KMT2A: variants seen among roughly 807,000 people sequenced by gnomAD.
The protein encoded by KMT2A is histone-lysine N-methyltransferase 2A.
Under a neutral mutation model 345.3 loss-of-function variants are expected in KMT2A, and 16 were observed. The observed-to-expected ratio is 0.05, with a 90% CI of 0.03 to 0.07. The LOEUF is 0.07. KMT2A is among the 10% of genes least tolerant of loss of function. The pLI is 1.00. For synonymous variants in KMT2A, 1,599 were observed against 1,778.6 expected (o/e 0.90, Z 2.54); for missense variants, 3,272 against 4,841.6 (o/e 0.68, Z 9.62).
At chr11:118,470,944 G>A (rs1555035306) in intron 2 of KMT2A, among the ~76,000 whole-genome samples, 2 of 152,164 alleles carry the variant, frequency 1.3e-5, no homozygotes, top group African/African-American at 4.8e-5. Flanking sequence ...TTTTGCTGTT[G>A]ACATCAGTTA....
At position 118,496,148 on chromosome 11, in the gene KMT2A, A is replaced by G; in HGVS notation, c.5558-113A>G. 1.2e-6 allele frequency: 1 copy of G among 819,812 alleles called. No homozygotes were observed. Among genetic ancestry groups the G allele is most frequent in the Non-Finnish European group, 2.0e-6 (1 of 495,118 alleles). The allele number at this position is 819,812 out of a possible 1,614,324, so 50.8% of individuals were successfully genotyped here. A position where few individuals can be genotyped will look rare whatever the true frequency, so the allele number is the denominator to read the frequency against. On this transcript the variant is annotated intron_variant, in intron 19 of 35. Transcript: ENST00000534358. The surrounding 1 kb of genome is among the most constrained non-coding windows in gnomAD (Gnocchi z 4.7). Reference sequence around the variant, plus strand: ...ACACTTTTTGAAAAGTGGTTATTTTATAGGCTGTGGGCTATGTAAGCTGAA... The same window carrying G: ...ACACTTTTTGAAAAGTGGTTATTTTGTAGGCTGTGGGCTATGTAAGCTGAA...
chr11:118,503,391 T>C lies in KMT2A; in HGVS notation c.7499T>C (p.Val2500Ala), dbSNP rs1260125287. 1 of 1,613,398 alleles carries C rather than the reference T, an allele frequency of 6.2e-7. No homozygotes were observed. The highest frequency in any genetic ancestry group is 1.7e-5 in the Admixed American group (1 of 59,924). ...IGDKGLSMPG[V>A]PKAPPMQVEG... ...GATAAAGGCCTTTCTATGCCAGGAG[T>C]CCCCAAAGCTCCACCCATGCAAGTA... Residue 2500 changes from valine to alanine, a missense_variant, in exon 27 of 36, where the codon GTC becomes GCC. Transcript: ENST00000534358. This position sits in a 1 kb window ranked among gnomAD's most constrained non-coding sequence, Gnocchi z 5.3.
At position 118,480,255 on chromosome 11, in the gene KMT2A, G is replaced by C. The variant is rs372465982; in HGVS notation, c.3634+17G>C. 1 of 1,604,826 alleles carries C rather than the reference G, an allele frequency of 6.2e-7. No homozygotes were observed. The highest frequency in any genetic ancestry group is 1.7e-5 in the Admixed American group (1 of 59,940). On this transcript the variant is annotated intron_variant, in intron 6 of 35. Coordinates refer to ENST00000534358, the MANE Select transcript of KMT2A (RefSeq NM_001197104.2). Reference sequence around the variant, plus strand: ...AAGCTAAAGGTAGTGTTGTTAAAAAGGTCTTCCCCCAAATGCTCCTTGCTT... The same window carrying C: ...AAGCTAAAGGTAGTGTTGTTAAAAACGTCTTCCCCCAAATGCTCCTTGCTT...
At position 118,496,647 on chromosome 11, in the gene KMT2A, A is replaced by T. The variant is rs1466560088; in HGVS notation, c.5664+280A>T. On this transcript the variant is annotated intron_variant, in intron 20 of 35. Transcript: ENST00000534358. This position sits in a 1 kb window ranked among gnomAD's most constrained non-coding sequence, Gnocchi z 4.7. The stretch of plus-strand genomic sequence containing the variant: ...AACCCTTGATGTCTAGTAATTTCTA[A>T]TGGAAGTTCCTCAAGAATATTTTGT... 1.3e-5 allele frequency among the ~76,000 whole-genome samples: 2 copies of T among 152,180 alleles called. No homozygotes were observed. The highest frequency in any genetic ancestry group is 1.3e-4 in the Admixed American group (2 of 15,270).
Position 118,503,485 on chromosome 11 carries a change from A to G in KMT2A, c.7593A>G (p.Lys2531=). 1 of 1,614,136 alleles carries G rather than the reference A, an allele frequency of 6.2e-7. No individual in the cohort carries two copies. Among genetic ancestry groups the G allele is most frequent in the Non-Finnish European group, 8.5e-7 (1 of 1,180,018 alleles). The change falls in exon 27 of 36, where the codon AAA becomes AAG. Residue 2531 remains lysine (K), a synonymous_variant. Transcript: ENST00000534358. This position sits in a 1 kb window ranked among gnomAD's most constrained non-coding sequence, Gnocchi z 5.3. ...TCAAAGTGACACTGACACCTCTAAAAATGGAAAATGAGAGTCAATCCAAAA... is the reference window on the plus strand; with the variant it reads ...TCAAAGTGACACTGACACCTCTAAAGATGGAAAATGAGAGTCAATCCAAAA... ...RTVKVTLTPL[K]MENESQSKNA...
chr11:118,494,815 C>T lies in KMT2A; in HGVS notation c.5363+48C>T, dbSNP rs1555043511. ...TTTTTTCTCCTCATCGGCTAGAAAT[C>T]TGAGAGTTCTCATATTTCTAGATTG... On this transcript the variant is annotated intron_variant, in intron 18 of 35. Coordinates refer to ENST00000534358, the MANE Select transcript of KMT2A (RefSeq NM_001197104.2). This position sits in a 1 kb window ranked among gnomAD's most constrained non-coding sequence, Gnocchi z 5.8. 5 of 1,402,588 alleles carry T rather than the reference C, an allele frequency of 3.6e-6. No homozygotes were observed. Among genetic ancestry groups the T allele is most frequent in the Non-Finnish European group, 5.0e-6 (5 of 992,212 alleles). The allele number at this position is 1,402,588 out of a possible 1,614,324, so 86.9% of individuals were successfully genotyped here.
At chr11:118,474,383 G>A (rs1359795609) in intron 3 of KMT2A, 68 bp downstream of exon 3, 2 of 1,529,386 alleles carry the variant, frequency 1.3e-6, no homozygotes, top group Non-Finnish European at 1.7e-6. Flanking sequence ...CAAGTTTTAG[G>A]CTAAGTGGTT....
chr11:118,474,014 A>G lies in KMT2A; in HGVS notation c.2855A>G (p.Asp952Gly). The G allele has an allele frequency of 6.2e-7, 1 of 1,613,876 alleles. No homozygotes were observed. The highest frequency in any genetic ancestry group is 8.5e-7 in the Non-Finnish European group (1 of 1,179,934). ...GTDITSVTLG[D>G]TTAVKTKILI... ...GATATTACTTCTGTGACTCTTGGGGATACAACAGCTGTCAAAACCAAAATA... is the reference window on the plus strand; with the variant it reads ...GATATTACTTCTGTGACTCTTGGGGGTACAACAGCTGTCAAAACCAAAATA... The change falls in exon 3 of 36, where the codon GAT becomes GGT. Residue 952 changes from aspartate (D) to glycine (G), a missense_variant. Coordinates refer to ENST00000534358, the MANE Select transcript of KMT2A (RefSeq NM_001197104.2).
intron 10 of KMT2A, among the ~76,000 whole-genome samples, chr11:118,486,093 A>G (rs1950224708): frequency 2.6e-5 from 4 of 152,300 alleles, no homozygotes. Context: ...AAAAAAAAAT[A>G]AAAGTGTAGG....
At chr11:118,471,520 C>T (rs1949942227) in intron 2 of KMT2A, 142 bp from the exon 3 acceptor site, 1 of 452,498 alleles carries the variant, frequency 2.2e-6, no homozygotes. Flanking sequence ...AGAAACTAAG[C>T]ACAATTAAGA....
In KMT2A at chr11:118,523,686, A is replaced by C. The variant is rs1022078385; in HGVS notation, c.*1514A>C. On this transcript the variant is annotated 3_prime_UTR_variant, in exon 36 of 36. Transcript: ENST00000534358. Reference sequence around the variant, plus strand: ...ATTTAAAAGAAGATCGGTTTTTAATAATTTTTTATTTTCATAGGATGAAGT... The same window carrying C: ...ATTTAAAAGAAGATCGGTTTTTAATCATTTTTTATTTTCATAGGATGAAGT... 37 of 226,912 alleles carry C rather than the reference A, an allele frequency of 1.6e-4. No individual in the cohort carries two copies. Among genetic ancestry groups the C allele is most frequent in the African/African-American group, 8.0e-4 (36 of 44,974 alleles). The allele number at this position is 226,912 out of a possible 1,614,324, so 14.1% of individuals were successfully genotyped here. A position where few individuals can be genotyped will look rare whatever the true frequency, so the allele number is the denominator to read the frequency against.
intron 2 of KMT2A, among the ~76,000 whole-genome samples, chr11:118,470,635 C>T (rs1949927467): frequency 6.6e-6 from 1 of 152,118 alleles, no homozygotes; most frequent in Non-Finnish European, 1.5e-5. Context: ...ATTTAGAAAG[C>T]TCAACAATAA....
At chr11:118,437,442 T>G (rs9332749) in intron 1 of KMT2A, among the ~76,000 whole-genome samples, 565 of 151,984 alleles carry the variant, frequency 3.7e-3, no homozygotes, top group Non-Finnish European at 5.9e-3. Flanking sequence ...TCGTGTCCCT[T>G]CCAGCACCTT....
At chr11:118,463,124 AT>A (rs72218407) in intron 1 of KMT2A, among the ~76,000 whole-genome samples, 36 of 146,578 alleles carry the variant, frequency 2.5e-4, no homozygotes, top group East Asian at 6.0e-4. Flanking sequence ...ATTTATCTTT[AT>A]TTTTTTTTTT....
Position 118,507,511 on chromosome 11 carries a change from C to G in KMT2A, c.10755-18C>G, listed in dbSNP as rs782755833. 3.7e-6 allele frequency: 6 copies of G among 1,610,236 alleles called. No individual in the cohort carries two copies. The South Asian group carries it at 6.6e-5, about 18-fold the overall frequency. ...ACTGGTGGTTTGTCTTGAAAAGATA[C>G]AAATGCCTGTGTTCCAGGACTCCAG... On this transcript the variant is annotated intron_variant, in intron 27 of 35. Coordinates refer to ENST00000534358, the MANE Select transcript of KMT2A (RefSeq NM_001197104.2).
chr11:118,473,034 T>C lies in KMT2A; in HGVS notation c.1875T>C (p.Ser625=). The change falls in exon 3 of 36, where the codon TCT becomes TCC. Residue 625 remains serine (S), a synonymous_variant. Coordinates refer to ENST00000534358, the MANE Select transcript of KMT2A (RefSeq NM_001197104.2). The surrounding 1 kb of genome is among the most constrained non-coding windows in gnomAD (Gnocchi z 5.2). The stretch of plus-strand genomic sequence containing the variant: ...TTAGGTGGACTTCTTTAAAGCATTC[T>C]AGGTCAGAGCCACAATACTTTTCCT... ...PTFRWTSLKH[S]RSEPQYFSSA... The C allele has an allele frequency of 6.2e-7, 1 of 1,614,234 alleles. No individual in the cohort carries two copies. The highest frequency in any genetic ancestry group is 8.5e-7 in the Non-Finnish European group (1 of 1,180,044).
At chr11:118,454,533 C>A (rs1038580190) in intron 1 of KMT2A, among the ~76,000 whole-genome samples, 4 of 152,224 alleles carry the variant, frequency 2.6e-5, no homozygotes. Context: ...TGAAACTACT[C>A]CACTCTGTTG....
chr11:118,501,065 T>A lies in KMT2A; in HGVS notation c.6237T>A (p.Pro2079=). ...VYTCKIVECR[P]PVVEPDINST... Reference sequence around the variant, plus strand: ...CATGCAAGATAGTGGAGTGCCGTCCTCCAGTCGTAGAGCCGGATATCAACA... The same window carrying A: ...CATGCAAGATAGTGGAGTGCCGTCCACCAGTCGTAGAGCCGGATATCAACA... The change falls in exon 25 of 36, where the codon CCT becomes CCA. Residue 2079 remains proline (P), a synonymous_variant. Transcript: ENST00000534358. 6.2e-7 allele frequency: 1 copy of A among 1,614,142 alleles called. No individual in the cohort carries two copies. The highest frequency in any genetic ancestry group is 8.5e-7 in the Non-Finnish European group (1 of 1,179,986).
At chr11:118,512,501 A>G (rs1209774350) in intron 31 of KMT2A, 3 of 161,292 alleles carry the variant, frequency 1.9e-5, no homozygotes, top group Non-Finnish European at 2.7e-5. Flanking sequence ...CAAATATTCC[A>G]TTGTGTAGAT....
Sources: allele counts gnomAD v4.1 joint callset (sites outside exome capture counted in the v4.1 genomes callset), GRCh38; gene constraint gnomAD v4.1.1; non-coding constraint Gnocchi (gnomAD v3.1); transcripts MANE v1.5; gene names NCBI Gene and HGNC (gene_info 2026-07-23, HGNC 2026-07-21).